TICRR: variants seen among roughly 807,000 people sequenced by gnomAD.
TICRR encodes the protein treslin.
A neutral mutation model predicts 178.1 loss-of-function variants in TICRR; 132 were observed. The observed-to-expected ratio is 0.74, with a 90% CI of 0.64 to 0.86. The LOEUF is 0.86. Among genes scored for constraint, TICRR ranks in the 40% least tolerant of loss-of-function variants. TICRR has a pLI of 0.00. For synonymous variants in TICRR, 991 were observed against 900.7 expected, an observed-to-expected ratio of 1.10 and a Z score of -1.79; for missense variants, 2,587 against 2,334.3, an observed-to-expected ratio of 1.11 and a Z score of -2.23.
In TICRR at chr15:89,594,500, A is replaced by G. The variant is rs910874728; in HGVS notation, c.1627A>G (p.Arg543Gly). 5 of 1,613,350 alleles carry G rather than the reference A, an allele frequency of 3.1e-6. No individual in the cohort carries two copies. In the African/African-American group the frequency reaches 6.7e-5, roughly 22 times the overall value. The change falls in exon 6 of 22, where the codon AGA becomes GGA. Residue 543 changes from arginine (R) to glycine (G), a missense_variant. Arg to Gly is a moderately radical substitution (Grantham distance 125). Transcript: ENST00000268138. ...LIHCLAELYQRKSREESTIAH... is the reference protein window; with the variant it reads ...LIHCLAELYQGKSREESTIAH... ...ACATTGCCTTGCCGAGCTCTACCAG[A>G]GAAAATCTCGTGAAGAATCCACTAT...
intron 2 of TICRR, 91 bp from the exon 3 acceptor site, chr15:89,584,195 C>G: frequency 8.1e-7 from 1 of 1,241,654 alleles, no homozygotes. Context: ...GTTATTAAAT[C>G]TCTTTTTAGT....
chr15:89,621,789 TTC>T (rs1456417041), intron 19 of TICRR, among the ~76,000 whole-genome samples: 1 of 152,112 alleles, frequency 6.6e-6, no homozygotes, highest in Non-Finnish European at 1.5e-5. Context: ...ATCTCATCTG[TTC>T]TCTTGGCTTT....
intron 15 of TICRR, among the ~76,000 whole-genome samples, chr15:89,611,883 T>A (rs1460379453): frequency 1.3e-5 from 2 of 152,216 alleles, no homozygotes; most frequent in African/African-American, 4.8e-5. Flanking sequence ...TTCCATTAGT[T>A]TCTTATATAT....
At chr15:89,580,588 G>A (rs2141951208) in intron 1 of TICRR, among the ~76,000 whole-genome samples, 1 of 152,282 alleles carries the variant, frequency 6.6e-6, no homozygotes, top group African/African-American at 2.4e-5. Flanking sequence ...TGACTGAAAA[G>A]TTTAGATAGA....
In TICRR at chr15:89,620,239, C is replaced by T. The variant is rs1963402551; in HGVS notation, c.3154+397C>T. On this transcript the variant is annotated intron_variant, in intron 18 of 21. Transcript: ENST00000268138. The stretch of plus-strand genomic sequence containing the variant: ...TTTATCTTTTTTTGAGACAAGGTCT[C>T]ACTCTGTCACCCAGGCTGGAGTGCA... Among the ~76,000 whole-genome samples, 3 of 152,288 alleles carry T rather than the reference C, an allele frequency of 2.0e-5. No individual in the cohort carries two copies. In the South Asian group the frequency reaches 6.2e-4, roughly 32 times the overall value.
intron 14 of TICRR, 62 bp from the exon 15 acceptor site, chr15:89,608,741 A>G (rs1221717389): frequency 7.0e-7 from 1 of 1,425,808 alleles, no homozygotes; most frequent in Admixed American, 2.6e-5. Context: ...TTTCTCAGAT[A>G]CGGCATTTAT....
rs763791173 is a variant in TICRR at position 89,624,440 on chromosome 15, C to T, written c.4130C>T (p.Pro1377Leu). ...ACATTGGACACCGTCCCTCCTCCACCCCCTTCTAAAGTTGGGAAACGGTGT... is the reference window on the plus strand; with the variant it reads ...ACATTGGACACCGTCCCTCCTCCACTCCCTTCTAAAGTTGGGAAACGGTGT... Reference protein sequence around the residue: ...RATLDTVPPPPPSKVGKRCRK... With the variant: ...RATLDTVPPPLPSKVGKRCRK... The change falls in exon 20 of 22, where the codon CCC becomes CTC. Residue 1377 changes from proline to leucine, a missense_variant. Physicochemically the swap from Pro to Leu is moderately conservative, Grantham distance 98. Coordinates refer to ENST00000268138, the MANE Select transcript of TICRR (RefSeq NM_152259.4). 24 of 1,614,208 alleles carry T rather than the reference C, an allele frequency of 1.5e-5. No homozygotes were observed. Among genetic ancestry groups the T allele is most frequent in the Non-Finnish European group, 1.9e-5 (23 of 1,180,036 alleles).
At position 89,624,499 on chromosome 15, in the gene TICRR, G is replaced by C. The variant is rs1354528472; in HGVS notation, c.4189G>C (p.Glu1397Gln). ...KTSDPRRSIV[E>Q]CQPDASATPG... Reference sequence around the variant, plus strand: ...CTCTGATCCCAGAAGGAGCATCGTGGAGTGTCAGCCTGATGCCTCCGCTAC... The same window carrying C: ...CTCTGATCCCAGAAGGAGCATCGTGCAGTGTCAGCCTGATGCCTCCGCTAC... The change falls in exon 20 of 22, where the codon GAG becomes CAG. Residue 1397 changes from glutamate (E) to glutamine (Q), a missense_variant. By Grantham distance (29) the Glu-to-Gln change is conservative (BLOSUM62 2). Transcript: ENST00000268138. 6.2e-7 allele frequency: 1 copy of C among 1,614,104 alleles called. No individual in the cohort carries two copies. Among genetic ancestry groups the C allele is most frequent in the East Asian group, 2.2e-5 (1 of 44,864 alleles).
intron 3 of TICRR, 28 bp from the exon 4 acceptor site, chr15:89,585,680 T>C: frequency 6.6e-7 from 1 of 1,508,458 alleles, no homozygotes. Context: ...ACAATAATAT[T>C]CTCAACTAAT....
chr15:89,585,573 G>A (rs1962806594), intron 3 of TICRR, 135 bp from the exon 4 acceptor site: 1 of 677,638 alleles, frequency 1.5e-6, no homozygotes, highest in Non-Finnish European at 2.6e-6. Flanking sequence ...CTCTATTAAT[G>A]ATCAAATCTA....
intron 17 of TICRR, among the ~76,000 whole-genome samples, chr15:89,619,271 G>T (rs1475187221): frequency 8.0e-6 from 1 of 124,898 alleles, no homozygotes; most frequent in Non-Finnish European, 1.6e-5. Flanking sequence ...TGTCGCCCAG[G>T]CTGGAGTGCA....
chr15:89,612,208 G>A (rs2037473404), intron 15 of TICRR, among the ~76,000 whole-genome samples: 1 of 151,480 alleles, frequency 6.6e-6, no homozygotes, highest in South Asian at 2.1e-4. Flanking sequence ...TGTATACCTT[G>A]TTGTGTGTGG....
At chr15:89,598,943 G>A (rs561625022) in intron 7 of TICRR, among the ~76,000 whole-genome samples, 4 of 152,260 alleles carry the variant, frequency 2.6e-5, no homozygotes, top group Non-Finnish European at 2.9e-5. Flanking sequence ...CCTGGGAGGT[G>A]GAGGTTGTGG....
chr15:89,577,658 G>C (rs932100376), intron 1 of TICRR, among the ~76,000 whole-genome samples: 6 of 129,240 alleles, frequency 4.6e-5, no homozygotes, highest in Non-Finnish European at 9.4e-5. Flanking sequence ...ACCCAGGCTG[G>C]AGTGCAGTGG....
At chr15:89,593,660 C>T (rs1207670964) in intron 5 of TICRR, among the ~76,000 whole-genome samples, 8 of 152,160 alleles carry the variant, frequency 5.3e-5, no homozygotes, top group Admixed American at 1.3e-4. Flanking sequence ...CAGCCAAGAT[C>T]GCGCCACTGC....
chr15:89,626,856 A>G lies in TICRR; in HGVS notation c.5603-100A>G. On this transcript the variant is annotated intron_variant, in intron 21 of 21. Transcript: ENST00000268138. ...ACCTCCAAGCAGTGCTGATTTTCTT[A>G]AAGTCTGTTTTTGTGTGTAACCCTC... The G allele has an allele frequency of 6.0e-6, 8 of 1,338,584 alleles. No homozygotes were observed. The South Asian group carries it at 1.1e-4, about 18-fold the overall frequency. 82.9% of individuals were successfully genotyped at this position (1,338,584 alleles called of 1,614,324 possible).
intron 8 of TICRR, 102 bp downstream of exon 8, chr15:89,599,577 A>G (rs917062813): frequency 6.8e-6 from 8 of 1,178,138 alleles, no homozygotes; most frequent in Non-Finnish European, 9.6e-6. Context: ...GTTATGTCAT[A>G]TGTGATTCAA....
At chr15:89,587,943 T>C (rs923297020) in intron 4 of TICRR, among the ~76,000 whole-genome samples, 4 of 152,062 alleles carry the variant, frequency 2.6e-5, no homozygotes, top group African/African-American at 9.7e-5. Flanking sequence ...TGAGATAATA[T>C]GGTAAAAATT....
In TICRR at chr15:89,609,775, A is replaced by G. The variant is rs73477421; in HGVS notation, c.2869+826A>G. 7.0e-3 allele frequency among the ~76,000 whole-genome samples: 1,043 copies of G among 149,264 alleles called. 15 individuals carry two copies. Among genetic ancestry groups the G allele is most frequent in the African/African-American group, 0.025 (1,012 of 40,712 alleles). ...GTGTGAGCTACCGCGTCTGGCCTCT[A>G]TTGGTTTTCTAATCTCAGTTTCATT... On this transcript the variant is annotated intron_variant, in intron 15 of 21. Transcript: ENST00000268138.
Sources: gnomAD v4.1 joint callset for allele counts (sites outside exome capture counted in the v4.1 genomes callset) on GRCh38, gnomAD v4.1.1 for gene constraint, MANE v1.5 for transcripts, NCBI Gene and HGNC (gene_info 2026-07-23, HGNC 2026-07-21) for gene names.